Variants in BRCA2 observed in about 807,000 individuals in gnomAD.
BRCA2 encodes breast cancer type 2 susceptibility protein.
In BRCA2, 203 loss-of-function variants were observed where a neutral mutation model predicts 276.7. That is an observed-to-expected ratio of 0.73 (90% confidence interval 0.65 to 0.82). BRCA2 has a LOEUF of 0.82. BRCA2 is among the 40% of genes least tolerant of loss of function. The pLI, the probability that BRCA2 is intolerant of heterozygous loss-of-function variation, is 0.00. For synonymous variants in BRCA2, 1,289 were observed against 1,338.4 expected (o/e 0.96, Z 0.81); for missense variants, 3,920 against 3,915.0 (o/e 1.00, Z -0.03).
chr13:32,361,588 T>A (rs2072737819), intron 16 of BRCA2, among the ~76,000 whole-genome samples: 1 of 152,182 alleles, frequency 6.6e-6, no homozygotes, highest in South Asian at 2.1e-4. Flanking sequence ...AAAAAATTGA[T>A]GATGCAGGAG....
At chr13:32,325,223 C>A in intron 4 of BRCA2, 39 bp downstream of exon 4, 1 of 1,343,628 alleles carries the variant, frequency 7.4e-7, no homozygotes, top group Non-Finnish European at 1.0e-6. Flanking sequence ...TTAAATGAAA[C>A]ATTTTCCTAC....
In BRCA2 at chr13:32,339,602, T is replaced by G. The variant is rs1566232050; in HGVS notation, c.5247T>G (p.Tyr1749Ter). 3.7e-6 allele frequency: 6 copies of G among 1,611,422 alleles called. No homozygotes were observed. Among genetic ancestry groups the G allele is most frequent in the Non-Finnish European group, 5.1e-6 (6 of 1,178,296 alleles). Residue 1749 changes from tyrosine to a stop codon, truncating the protein, a stop_gained, in exon 11 of 27, where the codon TAT becomes TAG. Transcript: ENST00000380152. LOFTEE classifies it high-confidence loss of function. ...GTAACAGTAGCATGTCTAACAGCTA[T>G]TCCTACCATTCTGATGAGGTATATA... is the stretch of plus-strand genomic sequence containing the variant. Reference protein sequence around the residue: ...YLSNSSMSNSYSYHSDEVYND... With the variant: ...YLSNSSMSNS
chr13:32,328,428 G>T (rs2072365745), intron 7 of BRCA2, among the ~76,000 whole-genome samples: 1 of 152,034 alleles, frequency 6.6e-6, no homozygotes, highest in Non-Finnish European at 1.5e-5. Context: ...TTTTAGTGGA[G>T]AGGAGGTTTC....
At position 32,376,704 on chromosome 13, in the gene BRCA2, A is replaced by G. The variant is rs786203480; in HGVS notation, c.8667A>G (p.Ala2889=). The change falls in exon 21 of 27, where the codon GCA becomes GCG. Residue 2889 remains alanine (A), a synonymous_variant. Coordinates refer to ENST00000380152, the MANE Select transcript of BRCA2 (RefSeq NM_000059.4). The part of the protein sequence containing the change: ...NTTKPYLPSR[A]LTRQQVRALQ... ...CAAAACCATATTTACCATCACGTGC[A>G]CTAACAAGACAGCAAGTTCGTGCTT... The G allele has an allele frequency of 2.5e-6, 4 of 1,614,056 alleles. No individual in the cohort carries two copies. The highest frequency in any genetic ancestry group is 3.4e-6 in the Non-Finnish European group (4 of 1,180,040).
At position 32,338,140 on chromosome 13, in the gene BRCA2, C is replaced by T. The variant is rs80358620; in HGVS notation, c.3785C>T (p.Ser1262Leu). ...SAEVHPISLS[S>L]SKCHDSVVSM... ...GAGGTACATCCAATAAGTTTATCTT[C>T]AAGTAAATGTCATGATTCTGTTGTT... The change falls in exon 11 of 27, where the codon TCA becomes TTA. Residue 1262 changes from serine to leucine, a missense_variant. Physicochemically the swap from Ser to Leu is moderately radical, Grantham distance 145 (BLOSUM62 -2). Coordinates refer to ENST00000380152, the MANE Select transcript of BRCA2 (RefSeq NM_000059.4). 1 of 1,602,564 alleles carries T rather than the reference C, an allele frequency of 6.2e-7. No individual in the cohort carries two copies. The highest frequency in any genetic ancestry group is 1.3e-5 in the African/African-American group (1 of 74,574).
intron 24 of BRCA2, among the ~76,000 whole-genome samples, chr13:32,380,602 G>T (rs1427467406): frequency 1.4e-5 from 2 of 141,532 alleles, no homozygotes; most frequent in Admixed American, 7.6e-5. Flanking sequence ...GTGCAGTGGC[G>T]CTATCTCAGC....
At chr13:32,335,364 G>C (rs559526598) in intron 10 of BRCA2, among the ~76,000 whole-genome samples, 1 of 143,494 alleles carries the variant, frequency 7.0e-6, no homozygotes, top group African/African-American at 2.6e-5. Flanking sequence ...AAAAAAAAAA[G>C]CTAATACATG....
At position 32,338,187 on chromosome 13, in the gene BRCA2, C is replaced by A. The variant is rs1555283417; in HGVS notation, c.3832C>A (p.His1278Asn). The change falls in exon 11 of 27, where the codon CAT becomes AAT. Residue 1278 changes from histidine to asparagine, a missense_variant. By Grantham distance (68) the His-to-Asn change is moderately conservative. Coordinates refer to ENST00000380152, the MANE Select transcript of BRCA2 (RefSeq NM_000059.4). ...SVVSMFKIEN[H>N]NDKTVSEKNN... ...TGTTTCAATGTTTAAGATAGAAAATCATAATGATAAAACTGTAAGTGAAAA... is the reference window on the plus strand; with the variant it reads ...TGTTTCAATGTTTAAGATAGAAAATAATAATGATAAAACTGTAAGTGAAAA... The A allele has an allele frequency of 1.9e-6, 3 of 1,563,584 alleles. No individual in the cohort carries two copies. Among genetic ancestry groups the A allele is most frequent in the South Asian group, 2.4e-5 (2 of 83,560 alleles).
rs765391746 is a variant in BRCA2, at chr13:32,371,087, T to C, written c.8619T>C (p.Phe2873=). The C allele has an allele frequency of 6.2e-7, 1 of 1,614,032 alleles. No individual in the cohort carries two copies. Among genetic ancestry groups the C allele is most frequent in the East Asian group, 2.2e-5 (1 of 44,864 alleles). The change falls in exon 20 of 27, where the codon TTT becomes TTC. Residue 2873 remains phenylalanine, a synonymous_variant. Transcript: ENST00000380152. ...EALFTKIQEE[F]EEHEENTTKP... is the part of the protein sequence containing the mutation. ...TATTCACTAAAATTCAGGAGGAATT[T>C]GAAGAACATGAAGGTAAAATTAGTT...
chr13:32,398,082 T>G (rs2073048138), intron 26 of BRCA2, 80 bp from the exon 27 acceptor site: 9 of 1,473,574 alleles, frequency 6.1e-6, no homozygotes, highest in Non-Finnish European at 7.4e-6. Flanking sequence ...GCTTAAATAT[T>G]TTCAATGAAA....
intron 11 of BRCA2, among the ~76,000 whole-genome samples, chr13:32,342,568 G>GTATAC (rs1350285409): frequency 2.6e-5 from 4 of 152,246 alleles, no homozygotes; most frequent in African/African-American, 9.6e-5. Flanking sequence ...ACATCATAGA[G>GTATAC]TATACTTACA....
In BRCA2 at chr13:32,336,576, G is replaced by A. The variant is rs80358493; in HGVS notation, c.2221G>A (p.Val741Ile). 6.2e-7 allele frequency: 1 copy of A among 1,614,002 alleles called. No homozygotes were observed. The highest frequency in any genetic ancestry group is 1.7e-5 in the Admixed American group (1 of 59,990). The change falls in exon 11 of 27, where the codon GTA becomes ATA. Residue 741 changes from valine to isoleucine, a missense_variant. This residue lies in a region of BRCA2 where 3,263 missense variants were observed against 3,156.9 expected (regional missense o/e 1.03). Coordinates refer to ENST00000380152, the MANE Select transcript of BRCA2 (RefSeq NM_000059.4). ...GGTCTTGGCTGCAGCATGTCACCCA[G>A]TACAACATTCAAAAGTGGAATACAG... ...EEVLAAACHP[V>I]QHSKVEYSDT...
chr13:32,377,590 C>CAAAAAAAAAAA (rs796964470), intron 21 of BRCA2, among the ~76,000 whole-genome samples: 1 of 99,588 alleles, frequency 1.0e-5, no homozygotes. Flanking sequence ...AACTCCGTCT[C>CAAAAAAAAAAA]AAAAAAAAAA....
chr13:32,364,336 C>T (rs983252712), intron 18 of BRCA2, among the ~76,000 whole-genome samples: 3 of 152,164 alleles, frequency 2.0e-5, no homozygotes, highest in African/African-American at 7.2e-5. Flanking sequence ...CAACCCTCCC[C>T]ATCCTCATTC....
intron 16 of BRCA2, 127 bp downstream of exon 16, chr13:32,358,056 G>A: frequency 7.4e-6 from 7 of 951,540 alleles, no homozygotes; most frequent in East Asian, 2.6e-5. Context: ...ATTGTTTTAA[G>A]TGCATTATGG....
At chr13:32,362,347 A>G (rs540488887) in intron 16 of BRCA2, among the ~76,000 whole-genome samples, 176 bp from the exon 17 acceptor site, 50 of 152,314 alleles carry the variant, frequency 3.3e-4, no homozygotes, top group African/African-American at 1.2e-3. Context: ...TTTTATCAGT[A>G]TGATACTTTG....
chr13:32,373,292 G>A (rs760035502), intron 20 of BRCA2, among the ~76,000 whole-genome samples: 1 of 151,594 alleles, frequency 6.6e-6, no homozygotes, highest in Non-Finnish European at 1.5e-5. Context: ...CAGATCACAA[G>A]GTCAGGAGTT....
chr13:32,399,536 GAAATT>G lies in BRCA2; in HGVS notation c.*773_*777del, dbSNP rs1038002740. On this transcript the variant is annotated 3_prime_UTR_variant, in exon 27 of 27. Transcript: ENST00000380152. ...TTTTTACTATTCCAGTGTGATCTCTGAAATTAAATTACTTCAACTAAAAATTCAAA... is the reference window on the plus strand; with the variant it reads ...TTTTTACTATTCCAGTGTGATCTCTGAAATTACTTCAACTAAAAATTCAAA... The G allele has an allele frequency of 6.6e-5, 12 of 181,664 alleles. No individual in the cohort carries two copies. The highest frequency in any genetic ancestry group is 2.6e-4 in the African/African-American group (11 of 42,432). The allele number at this position is 181,664 out of a possible 1,614,324, so 11.3% of individuals were successfully genotyped here.
chr13:32,350,614 G>A (rs1014030196), intron 13 of BRCA2, among the ~76,000 whole-genome samples: 2 of 152,016 alleles, frequency 1.3e-5, no homozygotes, highest in Non-Finnish European at 2.9e-5. Context: ...TTAGCCAGAC[G>A]TAGTGGTGGG....
Sources: allele counts gnomAD v4.1 joint callset (sites outside exome capture counted in the v4.1 genomes callset), GRCh38; gene constraint gnomAD v4.1.1; regional missense constraint gnomAD v4.1.1; transcripts MANE v1.5; gene names NCBI Gene and HGNC (gene_info 2026-07-23, HGNC 2026-07-21).